Variants in DGKB observed in about 807,000 individuals in gnomAD.
DGKB encodes 90 kDa diacylglycerol kinase.
Under a neutral mutation model 114.3 loss-of-function variants are expected in DGKB, and 67 were observed. That is an observed-to-expected ratio of 0.59 (90% confidence interval 0.48 to 0.72). The LOEUF (loss-of-function observed/expected upper bound fraction) is 0.72. Among genes scored for constraint, DGKB ranks in the 30% least tolerant of loss-of-function variants. The pLI is 0.00. For missense variants in DGKB, 907 were observed against 975.2 expected, an observed-to-expected ratio of 0.93 and a Z score of 0.93; for synonymous variants, 398 against 323.1, an observed-to-expected ratio of 1.23 and a Z score of -2.49.
intron 19 of DGKB, among the ~76,000 whole-genome samples, chr7:14,575,300 C>G (rs1189818669): frequency 6.6e-6 from 1 of 152,186 alleles, no homozygotes; most frequent in Non-Finnish European, 1.5e-5. Flanking sequence ...TTTCTCACTA[C>G]AGGTCCCTCT....
rs140836395 is a variant in DGKB, at chr7:14,304,087, A to ACACTCTCTCT, written c.2122+34427_2122+34428insAGAGAGAGTG. Among the ~76,000 whole-genome samples the ACACTCTCTCT allele has an allele frequency of 3.2e-3, 351 of 110,102 alleles. 3 individuals carry two copies. The highest frequency in any genetic ancestry group is 8.1e-3 in the East Asian group (29 of 3,602). The allele number at this position is 110,102 out of a possible 152,430, so 72.2% of individuals were successfully genotyped here. A position where few individuals can be genotyped will look rare whatever the true frequency, so the allele number is the denominator to read the frequency against. ...CACACACACACACACACACACACAC[A>ACACTCTCTCT]CTCTCTCTCTCTCACCCCTACCTCA... is the stretch of plus-strand genomic sequence containing the variant. On this transcript the variant is annotated intron_variant, in intron 23 of 25. Transcript: ENST00000402815.
At chr7:14,514,196 T>C (rs1381892317) in intron 20 of DGKB, among the ~76,000 whole-genome samples, 3 of 152,102 alleles carry the variant, frequency 2.0e-5, no homozygotes, top group Admixed American at 6.5e-5. Flanking sequence ...TAAATTGTGA[T>C]ATACATTTTT....
intron 21 of DGKB, among the ~76,000 whole-genome samples, chr7:14,402,929 A>C (rs1261182380): frequency 6.6e-6 from 1 of 151,930 alleles, no homozygotes; most frequent in African/African-American, 2.4e-5. Flanking sequence ...GCACTGCAAC[A>C]TCAATTCTTA....
intron 2 of DGKB, among the ~76,000 whole-genome samples, chr7:14,785,887 GT>G (rs1426940503): frequency 7.0e-6 from 1 of 143,794 alleles, no homozygotes; most frequent in Non-Finnish European, 1.5e-5. Flanking sequence ...AAAGGAAGAA[GT>G]TTTTCTTTTT....
chr7:14,829,444 T>C (rs1466393369), intron 2 of DGKB, among the ~76,000 whole-genome samples: 1 of 152,118 alleles, frequency 6.6e-6, no homozygotes, highest in Admixed American at 6.6e-5. Context: ...AGGTTTTAGA[T>C]ACCCAAGCAC....
At chr7:14,190,157 T>G (rs1376034080) in intron 23 of DGKB, among the ~76,000 whole-genome samples, 1 of 152,088 alleles carries the variant, frequency 6.6e-6, no homozygotes, top group Admixed American at 6.6e-5. Flanking sequence ...GGCCACAAAA[T>G]AAATCTCAAC....
At chr7:14,737,714 C>G (rs1002721554) in intron 4 of DGKB, among the ~76,000 whole-genome samples, 1 of 152,020 alleles carries the variant, frequency 6.6e-6, no homozygotes, top group Non-Finnish European at 1.5e-5. Flanking sequence ...TTGATTCTCA[C>G]AAGGACACTT....
At chr7:14,934,446 A>G (rs935707378) in intron 1 of DGKB, among the ~76,000 whole-genome samples, 4 of 152,180 alleles carry the variant, frequency 2.6e-5, no homozygotes, top group East Asian at 1.9e-4. Context: ...AGTACTTGAC[A>G]TACTATAATC....
At chr7:14,841,086 G>A in intron 2 of DGKB, 108 bp downstream of exon 2, 1 of 969,502 alleles carries the variant, frequency 1.0e-6, no homozygotes, top group Admixed American at 2.6e-5. Context: ...AGGCAGAGCT[G>A]GATCTATCCC....
At chr7:14,516,236 C>T (rs902245103) in intron 20 of DGKB, among the ~76,000 whole-genome samples, 2 of 152,048 alleles carry the variant, frequency 1.3e-5, no homozygotes, top group African/African-American at 4.8e-5. Context: ...TTGGAATTCT[C>T]AGCAAATGAA....
At chr7:14,538,503 T>C (rs1248748542) in intron 20 of DGKB, among the ~76,000 whole-genome samples, 3 of 152,128 alleles carry the variant, frequency 2.0e-5, no homozygotes, top group African/African-American at 4.8e-5. Flanking sequence ...GGTAAAGTTA[T>C]GGAGAAATCG....
intron 13 of DGKB, among the ~76,000 whole-genome samples, chr7:14,657,609 T>G (rs1816122011): frequency 6.6e-6 from 1 of 151,746 alleles, no homozygotes; most frequent in African/African-American, 2.4e-5. Flanking sequence ...AGAGGTAAAT[T>G]TAAAAGAAGG....
intron 1 of DGKB, among the ~76,000 whole-genome samples, chr7:14,878,438 T>G (rs2358073): frequency 0.48 from 72,726 of 151,946 alleles, 18,866 homozygotes; most frequent in East Asian, 0.9. Flanking sequence ...ATAATTTTAT[T>G]TGGGTATTAA....
intron 25 of DGKB, 100 bp downstream of exon 25, chr7:14,176,739 T>C (rs1781796290): frequency 2.1e-5 from 33 of 1,543,322 alleles, no homozygotes; most frequent in Admixed American, 7.6e-5. Context: ...TGCTGATAGG[T>C]TGAAAAGAAA....
At chr7:14,623,045 G>A (rs1011705942) in intron 14 of DGKB, among the ~76,000 whole-genome samples, 2 of 152,102 alleles carry the variant, frequency 1.3e-5, no homozygotes, top group African/African-American at 4.8e-5. Context: ...ATAAGCAAAA[G>A]AACTTTCTTT....
chr7:14,757,634 A>G lies in DGKB; in HGVS notation c.147+21T>C, dbSNP rs768294469. The G allele has an allele frequency of 5.6e-6, 8 of 1,439,592 alleles. No homozygotes were observed. The South Asian group carries it at 8.3e-5, about 15-fold the overall frequency. The allele number at this position is 1,439,592 out of a possible 1,614,324, so 89.2% of individuals were successfully genotyped here. A position where few individuals can be genotyped will look rare whatever the true frequency, so the allele number is the denominator to read the frequency against. On this transcript the variant is annotated intron_variant, in intron 3 of 25. Coordinates refer to ENST00000402815, the MANE Select transcript of DGKB (RefSeq NM_001350709.2). ...TTCCAAGCATATATACGAAACTGAT[A>G]TAAAGAAAAAGAAGTTTTACCCCTT... is the stretch of plus-strand genomic sequence containing the variant.
Position 14,749,821 on chromosome 7 carries a change from G to C in DGKB, c.168+4107C>G, listed in dbSNP as rs138748124. 5.4e-3 allele frequency among the ~76,000 whole-genome samples: 829 copies of C among 152,214 alleles called. 10 individuals are homozygous for C. Among genetic ancestry groups the C allele is most frequent in the African/African-American group, 0.019 (790 of 41,528 alleles). ...TTGTATATATAATTTCAATTAATAA[G>C]ATCAGTTTTTAATTATTCCTTACTT... On this transcript the variant is annotated intron_variant, in intron 4 of 25. Coordinates refer to ENST00000402815, the MANE Select transcript of DGKB (RefSeq NM_001350709.2).
chr7:14,262,773 C>T (rs559584165), intron 23 of DGKB, among the ~76,000 whole-genome samples: 2 of 152,262 alleles, frequency 1.3e-5, no homozygotes, highest in East Asian at 1.9e-4. Flanking sequence ...GCCAAACCAG[C>T]TCCAACTAAT....
intron 23 of DGKB, among the ~76,000 whole-genome samples, chr7:14,235,347 A>G (rs976539322): frequency 6.6e-6 from 1 of 152,122 alleles, no homozygotes; most frequent in Non-Finnish European, 1.5e-5. Flanking sequence ...TTTTCTCAGC[A>G]TGCCATTTCT....
Sources: gnomAD v4.1 joint callset for allele counts (sites outside exome capture counted in the v4.1 genomes callset) on GRCh38, gnomAD v4.1.1 for gene constraint, MANE v1.5 for transcripts, NCBI Gene and HGNC (gene_info 2026-07-23, HGNC 2026-07-21) for gene names.